The following RASA1 variants were observed in gnomAD, a reference collection of about 807,000 sequenced individuals.
The protein encoded by RASA1 is ras GTPase-activating protein 1.
RASA1 carries 25 observed loss-of-function variants against 132.2 expected under a neutral mutation model. That is an observed-to-expected ratio of 0.19 (90% CI 0.14 to 0.26). RASA1 has a LOEUF of 0.26. RASA1 is among the 10% of genes least tolerant of loss of function. The pLI is 1.00. For missense variants in RASA1, 964 were observed against 1,299.2 expected, an observed-to-expected ratio of 0.74 and a Z score of 3.97; for synonymous variants, 477 against 449.9, an observed-to-expected ratio of 1.06 and a Z score of -0.76.
chr5:87,350,702 G>A (rs1383800675), intron 8 of RASA1, among the ~76,000 whole-genome samples: 1 of 150,940 alleles, frequency 6.6e-6, no homozygotes, highest in Non-Finnish European at 1.5e-5. Context: ...GCAATATTAT[G>A]TTTTCAAAAT....
At chr5:87,323,160 C>T (rs1453625944) in intron 1 of RASA1, among the ~76,000 whole-genome samples, 1 of 152,086 alleles carries the variant, frequency 6.6e-6, no homozygotes, top group Non-Finnish European at 1.5e-5. Context: ...GAGGAAAAGG[C>T]ACGTAGAAAA....
chr5:87,386,314 G>A lies in RASA1; in HGVS notation c.2848-512G>A, dbSNP rs16902636. Among the ~76,000 whole-genome samples, 973 of 152,096 alleles carry A rather than the reference G, an allele frequency of 6.4e-3. 5 individuals are homozygous for A. The highest frequency in any genetic ancestry group is 0.014 in the African/African-American group (582 of 41,534). ...TTTTAAGTAGTCAGGATTTTAGTAC[G>A]ATGAGCAGTTAACTACGTGTATGGC... On this transcript the variant is annotated intron_variant, in intron 22 of 24. Transcript: ENST00000274376.
chr5:87,270,387 G>T (rs1442200255), intron 1 of RASA1, among the ~76,000 whole-genome samples: 1 of 142,334 alleles, frequency 7.0e-6, no homozygotes, highest in African/African-American at 2.6e-5. Flanking sequence ...TCGCCTTGTT[G>T]CCCAGGCTGG....
chr5:87,374,926 T>TAC lies in RASA1; in HGVS notation c.2011+12_2011+13dup. 1 of 1,601,044 alleles carries TAC rather than the reference T, an allele frequency of 6.2e-7. No individual in the cohort carries two copies. The highest frequency in any genetic ancestry group is 1.7e-5 in the Admixed American group (1 of 59,178). On this transcript the variant is annotated intron_variant, in intron 15 of 24. Coordinates refer to ENST00000274376, the MANE Select transcript of RASA1 (RefSeq NM_002890.3). ...AAAGATCCTGATATCTGTAAGTTGA[T>TAC]ACAGAAACTTTCTAAAATAGAAAAA...
At chr5:87,357,844 T>G (rs1759769020) in intron 9 of RASA1, among the ~76,000 whole-genome samples, 1 of 152,324 alleles carries the variant, frequency 6.6e-6, no homozygotes, top group Admixed American at 6.5e-5. Context: ...CTCCAATTGG[T>G]TTTGCAGAAG....
intron 5 of RASA1, 74 bp from the exon 6 acceptor site, chr5:87,341,216 G>A (rs1368098604): frequency 3.8e-5 from 34 of 896,420 alleles, no homozygotes; most frequent in Non-Finnish European, 5.1e-5. Flanking sequence ...TTGCAGATAC[G>A]ATTTTCATGA....
intron 1 of RASA1, chr5:87,269,316 G>T (rs535130155): frequency 9.1e-6 from 14 of 1,533,610 alleles, no homozygotes; most frequent in Non-Finnish European, 1.2e-5. Context: ...GTCAAACTGC[G>T]GCTACCAAGG....
chr5:87,288,373 A>G (rs1415957222), intron 1 of RASA1, among the ~76,000 whole-genome samples: 3 of 152,092 alleles, frequency 2.0e-5, no homozygotes, highest in African/African-American at 4.8e-5. Context: ...AGTGGCAGCA[A>G]CGATGTCATC....
Position 87,369,867 on chromosome 5 carries a change from T to C in RASA1, c.1665T>C (p.Phe555=). The C allele has an allele frequency of 2.5e-6, 4 of 1,612,204 alleles. No homozygotes were observed. The highest frequency in any genetic ancestry group is 3.4e-6 in the Non-Finnish European group (4 of 1,178,730). ...ACTTTAGTGAAGAACATTACATCTTTTACTTTGCAGGAGAAACTCCAGAAC... is the reference window on the plus strand; with the variant it reads ...ACTTTAGTGAAGAACATTACATCTTCTACTTTGCAGGAGAAACTCCAGAAC... ...VQHFSEEHYI[F]YFAGETPEQA... is the part of the protein sequence containing the mutation. Residue 555 remains phenylalanine, a synonymous_variant, in exon 12 of 25, where the codon TTT becomes TTC. Transcript: ENST00000274376.
At position 87,376,541 on chromosome 5, in the gene RASA1, A is replaced by G; in HGVS notation, c.2160A>G (p.Glu720=). The part of the protein sequence containing the change: ...ARYSMEKIMP[E]EEYSEFKELI... ...ACTCTATGGAAAAAATCATGCCAGA[A>G]GAAGAGTACAGTGAATTTAAAGAGG... The change falls in exon 16 of 25, where the codon GAA becomes GAG. Residue 720 remains glutamate (E), a synonymous_variant. Transcript: ENST00000274376. 6.2e-7 allele frequency: 1 copy of G among 1,614,042 alleles called. No individual in the cohort carries two copies. The highest frequency in any genetic ancestry group is 8.5e-7 in the Non-Finnish European group (1 of 1,179,928).
intron 9 of RASA1, among the ~76,000 whole-genome samples, chr5:87,358,368 G>A (rs1759812472): frequency 6.6e-6 from 1 of 152,156 alleles, no homozygotes; most frequent in Admixed American, 6.5e-5. Context: ...TTACCAAGGT[G>A]ACACTACAAT....
chr5:87,286,336 T>C (rs1039895451), intron 1 of RASA1, among the ~76,000 whole-genome samples: 1 of 152,120 alleles, frequency 6.6e-6, no homozygotes, highest in Non-Finnish European at 1.5e-5. Flanking sequence ...CTTCTCCTAT[T>C]AGAGTGGTCT....
intron 1 of RASA1, among the ~76,000 whole-genome samples, chr5:87,289,526 G>A (rs1754822585): frequency 2.0e-5 from 3 of 152,060 alleles, no homozygotes; most frequent in African/African-American, 7.2e-5. Flanking sequence ...GGAATCTTAG[G>A]ATTACAGTTT....
chr5:87,335,361 G>A (rs1011627725), intron 4 of RASA1, among the ~76,000 whole-genome samples: 9 of 149,424 alleles, frequency 6.0e-5, no homozygotes, highest in Admixed American at 6.0e-4. Context: ...TCAAGAGTTT[G>A]ACAGCTTCTG....
chr5:87,296,194 A>G (rs1178529610), intron 1 of RASA1, among the ~76,000 whole-genome samples: 1 of 151,670 alleles, frequency 6.6e-6, no homozygotes, highest in Non-Finnish European at 1.5e-5. Context: ...TTCCAAGCAC[A>G]TTGTCAAATA....
At chr5:87,310,937 AAAAT>A (rs1231649935) in intron 1 of RASA1, among the ~76,000 whole-genome samples, 1 of 152,228 alleles carries the variant, frequency 6.6e-6, no homozygotes, top group Non-Finnish European at 1.5e-5. Flanking sequence ...GCTGCAGAAA[AAAAT>A]AAAGCCAGTT....
intron 20 of RASA1, among the ~76,000 whole-genome samples, chr5:87,383,172 C>T (rs1160676662): frequency 1.3e-5 from 2 of 152,130 alleles, no homozygotes. Flanking sequence ...CAATAAGTCA[C>T]TTTTTCTCTA....
intron 5 of RASA1, among the ~76,000 whole-genome samples, chr5:87,339,451 T>G (rs1758280834): frequency 6.6e-6 from 1 of 152,214 alleles, no homozygotes; most frequent in Non-Finnish European, 1.5e-5. Flanking sequence ...CTATAAAATT[T>G]GTTAGTTACA....
At chr5:87,374,727 CTGT>C in intron 14 of RASA1, 110 bp from the exon 15 acceptor site, 1 of 1,414,454 alleles carries the variant, frequency 7.1e-7, no homozygotes, top group Non-Finnish European at 9.6e-7. Flanking sequence ...GTCTAGCACA[CTGT>C]TTTTTTTTTT....
Sources: allele counts gnomAD v4.1 joint callset (sites outside exome capture counted in the v4.1 genomes callset), GRCh38; gene constraint gnomAD v4.1.1; transcripts MANE v1.5; gene names NCBI Gene and HGNC (gene_info 2026-07-23, HGNC 2026-07-21).